The following METTL15 variants were observed in gnomAD, a reference collection of about 807,000 sequenced individuals.
The protein encoded by METTL15 is methyltransferase 15, mitochondrial 12S rRNA N4-cytidine, also known as 12S rRNA N(4)-cytidine methyltransferase METTL15.
In METTL15, 34 loss-of-function variants were observed where a neutral mutation model predicts 38.3. The observed-to-expected ratio is 0.89, with a 90% CI of 0.68 to 1.18. The LOEUF (loss-of-function observed/expected upper bound fraction) is 1.18. Among genes scored for constraint, METTL15 ranks in the 50% most tolerant of loss-of-function variants. The probability of loss-of-function intolerance (pLI) is 0.00; values close to 1 mark genes in which losing one functional copy is unlikely to be tolerated. For synonymous variants in METTL15, 162 were observed against 170.9 expected (o/e 0.95, Z 0.41); for missense variants, 438 against 498.4 (o/e 0.88, Z 1.15).
At chr11:28,142,443 T>C (rs1849732066) in intron 3 of METTL15, among the ~76,000 whole-genome samples, 1 of 152,202 alleles carries the variant, frequency 6.6e-6, no homozygotes, top group African/African-American at 2.4e-5. Context: ...GCCTGGCCTA[T>C]TTTGGAAATT....
chr11:28,395,487 A>G (rs973238257), intron 5 of METTL15, among the ~76,000 whole-genome samples: 3 of 152,140 alleles, frequency 2.0e-5, no homozygotes, highest in Admixed American at 2.0e-4. Flanking sequence ...CTCTACACAA[A>G]TAAACTAGAA....
intron 4 of METTL15, among the ~76,000 whole-genome samples, chr11:28,276,748 A>G (rs1456066419): frequency 6.6e-6 from 1 of 152,214 alleles, no homozygotes; most frequent in Admixed American, 6.5e-5. Context: ...TCAATGGAAC[A>G]GAATAGAGAA....
chr11:28,140,497 C>G (rs553864608), intron 3 of METTL15, among the ~76,000 whole-genome samples: 30 of 152,174 alleles, frequency 2.0e-4, no homozygotes, highest in African/African-American at 6.3e-4. Flanking sequence ...GGAGAAGACT[C>G]AGAAATGAAA....
In METTL15 at chr11:28,330,877, C is replaced by A. The variant is rs965783796; in HGVS notation, c.*36C>A. 2.1e-6 allele frequency: 3 copies of A among 1,462,654 alleles called. No homozygotes were observed. The African/African-American group carries it at 4.3e-5, about 21-fold the overall frequency. The allele number at this position is 1,462,654 out of a possible 1,614,324, so 90.6% of individuals were successfully genotyped here. On this transcript the variant is annotated 3_prime_UTR_variant, in exon 7 of 7. Coordinates refer to ENST00000407364, the MANE Select transcript of METTL15 (RefSeq NM_001113528.2). ...TCTTATTCTTCAAATTTTTTTCTCACAATTTCTCTAATCTTTACTCATGTT... is the reference window on the plus strand; with the variant it reads ...TCTTATTCTTCAAATTTTTTTCTCAAAATTTCTCTAATCTTTACTCATGTT...
intron 4 of METTL15, among the ~76,000 whole-genome samples, chr11:28,280,465 C>T (rs1267880419): frequency 2.0e-5 from 3 of 151,852 alleles, no homozygotes; most frequent in Non-Finnish European, 4.4e-5. Context: ...CTATGATGGT[C>T]CTAGTTTTGC....
intron 4 of METTL15, among the ~76,000 whole-genome samples, chr11:28,257,039 C>T (rs576390809): frequency 9.2e-5 from 14 of 152,022 alleles, no homozygotes; most frequent in East Asian, 3.9e-4. Flanking sequence ...TTTTTCTTTC[C>T]GATTGAAGTA....
chr11:28,153,357 A>G (rs1049677610), intron 3 of METTL15, among the ~76,000 whole-genome samples: 4 of 152,070 alleles, frequency 2.6e-5, no homozygotes, highest in Non-Finnish European at 5.9e-5. Context: ...CTTTACTCCA[A>G]TGGGATTCAA....
intron 3 of METTL15, among the ~76,000 whole-genome samples, chr11:28,193,657 C>G (rs963885697): frequency 6.6e-5 from 10 of 152,090 alleles, no homozygotes; most frequent in African/African-American, 2.4e-4. Flanking sequence ...GTGATCTCAA[C>G]AAATTGACAT....
intron 5 of METTL15, among the ~76,000 whole-genome samples, chr11:28,368,154 A>G (rs10835317): frequency 0.38 from 52,425 of 138,378 alleles, 11,072 homozygotes; most frequent in Admixed American, 0.49. Flanking sequence ...AAAAAAAACA[A>G]AAAAAAAAAC....
At chr11:28,187,995 A>T (rs1464144020) in intron 3 of METTL15, among the ~76,000 whole-genome samples, 1 of 151,320 alleles carries the variant, frequency 6.6e-6, no homozygotes. Flanking sequence ...TCTTTTGGAC[A>T]TGTTTCACCA....
chr11:28,393,816 A>C (rs1265427501), intron 5 of METTL15, among the ~76,000 whole-genome samples: 1 of 152,112 alleles, frequency 6.6e-6, no homozygotes, highest in Non-Finnish European at 1.5e-5. Context: ...ACACCAGAAG[A>C]TGAAGACCAT....
At chr11:28,476,461 T>C (rs1245131257) in intron 6 of METTL15, among the ~76,000 whole-genome samples, 2 of 152,218 alleles carry the variant, frequency 1.3e-5, no homozygotes, top group Non-Finnish European at 2.9e-5. Flanking sequence ...CTTTCTGAGC[T>C]TGGCTGTGAG....
chr11:28,256,317 C>T (rs971237249), intron 4 of METTL15, among the ~76,000 whole-genome samples: 38 of 152,274 alleles, frequency 2.5e-4, no homozygotes, highest in South Asian at 6.2e-4. Context: ...GCAGTGAAGC[C>T]ATTGATAGGG....
chr11:28,461,778 G>A (rs1423180237), intron 6 of METTL15, among the ~76,000 whole-genome samples: 1 of 152,038 alleles, frequency 6.6e-6, no homozygotes, highest in Non-Finnish European at 1.5e-5. Context: ...GAAGATTTGT[G>A]ACATGTATAT....
At chr11:28,531,159 A>G (rs1053448904), downstream of METTL15, among the ~76,000 whole-genome samples, 1 of 152,054 alleles carries the variant, frequency 6.6e-6, no homozygotes, top group African/African-American at 2.4e-5. Flanking sequence ...TTCTGATTTT[A>G]TAAAGCAATT....
chr11:28,351,011 T>A (rs916923199), intron 3 of METTL15, among the ~76,000 whole-genome samples: 1 of 152,186 alleles, frequency 6.6e-6, no homozygotes, highest in African/African-American at 2.4e-5. Context: ...TAGAATGAGC[T>A]CCATTAATTT....
chr11:28,501,838 A>T (rs10835350), intron 6 of METTL15, among the ~76,000 whole-genome samples: 16 of 151,794 alleles, frequency 1.1e-4, no homozygotes, highest in African/African-American at 3.6e-4. Flanking sequence ...GGTGGCTCAC[A>T]CCTGTAATCC....
chr11:28,412,433 A>G (rs1056748387), intron 5 of METTL15, among the ~76,000 whole-genome samples: 7 of 151,312 alleles, frequency 4.6e-5, no homozygotes, highest in Non-Finnish European at 7.4e-5. Flanking sequence ...GAGAGAGAGA[A>G]AGAGACCAAA....
intron 6 of METTL15, among the ~76,000 whole-genome samples, chr11:28,315,841 A>T (rs1409677733): frequency 6.6e-6 from 1 of 152,240 alleles, no homozygotes; most frequent in African/African-American, 2.4e-5. Context: ...GGAAGTCCCA[A>T]GCTTTGGCAG....
Sources: gnomAD v4.1 joint callset for allele counts (sites outside exome capture counted in the v4.1 genomes callset) on GRCh38, gnomAD v4.1.1 for gene constraint, MANE v1.5 for transcripts, NCBI Gene and HGNC (gene_info 2026-07-23, HGNC 2026-07-21) for gene names.